The following NLGN1 variants were observed in gnomAD, a reference collection of about 807,000 sequenced individuals.
NLGN1 encodes the protein neuroligin 1, also known as neuroligin-1.
In NLGN1, 12 loss-of-function variants were observed where a neutral mutation model predicts 65.5. The observed-to-expected ratio is 0.18, with a 90% CI of 0.12 to 0.30. The LOEUF is 0.30. Among genes scored for constraint, NLGN1 ranks in the 10% least tolerant of loss-of-function variants. NLGN1 has a pLI of 1.00. For missense variants in NLGN1, 750 were observed against 1,007.1 expected, an observed-to-expected ratio of 0.74 and a Z score of 3.46; for synonymous variants, 350 against 359.5, an observed-to-expected ratio of 0.97 and a Z score of 0.30.
chr3:174,157,384 A>C (rs1725634285), intron 4 of NLGN1, among the ~76,000 whole-genome samples: 1 of 151,868 alleles, frequency 6.6e-6, no homozygotes, highest in Non-Finnish European at 1.5e-5. Context: ...TGACATCTCC[A>C]CTTGTGCTTA....
intron 3 of NLGN1, among the ~76,000 whole-genome samples, chr3:173,633,950 G>C (rs1350594685): frequency 6.6e-6 from 1 of 152,052 alleles, no homozygotes; most frequent in Non-Finnish European, 1.5e-5. Flanking sequence ...GTAAGGCATT[G>C]TTCTGTTGCC....
At chr3:173,734,379 C>CAATTTTTTT (rs1560261820) in intron 3 of NLGN1, among the ~76,000 whole-genome samples, 4 of 59,066 alleles carry the variant, frequency 6.8e-5, no homozygotes, top group African/African-American at 2.6e-4. Context: ...GTGGATAATT[C>CAATTTTTTT]TATTTTTTTT....
intron 4 of NLGN1, among the ~76,000 whole-genome samples, chr3:173,869,041 A>G (rs1013482973): frequency 3.3e-5 from 5 of 152,178 alleles, no homozygotes; most frequent in African/African-American, 1.2e-4. Flanking sequence ...GCTATTTTTC[A>G]TATTTTGAGT....
chr3:174,181,976 CAAAAAAAAAAAAAAAA>C (rs551914698), intron 4 of NLGN1, among the ~76,000 whole-genome samples: 1 of 44,396 alleles, frequency 2.3e-5, no homozygotes, highest in Admixed American at 2.9e-4. Flanking sequence ...GACTTGGTGT[CAAAAAAAAAAAAAAAA>C]AAAAAAAAAG....
intron 3 of NLGN1, among the ~76,000 whole-genome samples, chr3:173,696,208 G>A (rs546349232): frequency 6.6e-6 from 1 of 152,196 alleles, no homozygotes; most frequent in East Asian, 1.9e-4. Flanking sequence ...CAAGAAAAGA[G>A]TGAACAATAT....
intron 3 of NLGN1, among the ~76,000 whole-genome samples, chr3:173,626,307 T>C (rs935958719): frequency 1.3e-5 from 2 of 152,092 alleles, no homozygotes; most frequent in Admixed American, 1.3e-4. Flanking sequence ...AAAATCATCT[T>C]GGATTTTCAA....
intron 4 of NLGN1, among the ~76,000 whole-genome samples, chr3:174,210,730 A>T (rs961102931): frequency 2.6e-5 from 4 of 152,166 alleles, no homozygotes; most frequent in Admixed American, 2.0e-4. Flanking sequence ...AGTAGCAGTT[A>T]AAAAAATACA....
At chr3:174,027,212 C>T (rs531447845) in intron 4 of NLGN1, among the ~76,000 whole-genome samples, 1 of 152,224 alleles carries the variant, frequency 6.6e-6, no homozygotes, top group South Asian at 2.1e-4. Context: ...TGTTCTTTAT[C>T]CAGCTGTCTA....
chr3:174,219,326 A>C (rs1461207247), intron 4 of NLGN1, among the ~76,000 whole-genome samples: 1 of 152,096 alleles, frequency 6.6e-6, no homozygotes, highest in African/African-American at 2.4e-5. Flanking sequence ...GGAAAGTTAC[A>C]TAACTTTCCA....
intron 4 of NLGN1, among the ~76,000 whole-genome samples, chr3:174,239,208 A>G (rs1399849792): frequency 3.3e-5 from 5 of 152,024 alleles, no homozygotes; most frequent in African/African-American, 1.2e-4. Flanking sequence ...AGCTGGGATT[A>G]CAAGCATGCG....
chr3:173,855,634 A>G (rs1383552123), intron 4 of NLGN1, among the ~76,000 whole-genome samples: 1 of 152,106 alleles, frequency 6.6e-6, no homozygotes, highest in East Asian at 1.9e-4. Flanking sequence ...ATAAAGAATG[A>G]CCACAACGGT....
intron 3 of NLGN1, among the ~76,000 whole-genome samples, chr3:173,691,665 T>C (rs1206063708): frequency 6.6e-6 from 1 of 151,902 alleles, no homozygotes; most frequent in Non-Finnish European, 1.5e-5. Context: ...GTTGAGATCA[T>C]ATATGAAGTC....
At position 173,644,478 on chromosome 3, in the gene NLGN1, A is replaced by G. The variant is rs558818977; in HGVS notation, c.493+39387A>G. On this transcript the variant is annotated intron_variant, in intron 3 of 6. Transcript: ENST00000457714. Reference sequence around the variant, plus strand: ...CATCTACACGCTTTGGCTCTGGCCTACTTGTGAGAGTTCGCCCCTTGCTGC... The same window carrying G: ...CATCTACACGCTTTGGCTCTGGCCTGCTTGTGAGAGTTCGCCCCTTGCTGC... 194 of 161,244 alleles carry G rather than the reference A, an allele frequency of 1.2e-3. 8 individuals are homozygous for G. In the South Asian group the frequency reaches 0.036, roughly 30 times the overall value. 10.0% of individuals were successfully genotyped at this position (161,244 alleles called of 1,614,324 possible). A position where few individuals can be genotyped will look rare whatever the true frequency, so the allele number is the denominator to read the frequency against.
At chr3:173,458,507 TAAAAAC>T (rs749902682) in intron 2 of NLGN1, among the ~76,000 whole-genome samples, 4 of 152,004 alleles carry the variant, frequency 2.6e-5, no homozygotes, top group Non-Finnish European at 5.9e-5. Flanking sequence ...TTTTCTCTCT[TAAAAAC>T]CAAACCAAAC....
intron 4 of NLGN1, among the ~76,000 whole-genome samples, chr3:173,927,544 C>T (rs572233895): frequency 6.6e-5 from 10 of 152,234 alleles, no homozygotes; most frequent in Admixed American, 6.5e-4. Context: ...TACACTTCTT[C>T]CCATTCACTG....
chr3:173,920,153 C>G (rs558957287), intron 4 of NLGN1, among the ~76,000 whole-genome samples: 1 of 151,814 alleles, frequency 6.6e-6, no homozygotes, highest in South Asian at 2.1e-4. Flanking sequence ...TCTGAGGCCA[C>G]TTATTTGAGA....
chr3:173,979,509 TG>T (rs1362571502), intron 4 of NLGN1, among the ~76,000 whole-genome samples: 1 of 151,756 alleles, frequency 6.6e-6, no homozygotes, highest in Non-Finnish European at 1.5e-5. Context: ...AGAGAAAAGG[TG>T]TGAGGATAAG....
intron 4 of NLGN1, among the ~76,000 whole-genome samples, chr3:173,875,759 T>C (rs960214953): frequency 2.0e-5 from 3 of 152,196 alleles, no homozygotes; most frequent in African/African-American, 7.2e-5. Flanking sequence ...ACCCTAGATA[T>C]AAGGAAGCTT....
chr3:173,837,555 G>A (rs1723883334), intron 4 of NLGN1, among the ~76,000 whole-genome samples: 1 of 152,044 alleles, frequency 6.6e-6, no homozygotes, highest in Non-Finnish European at 1.5e-5. Flanking sequence ...AAAAGAAATG[G>A]CTGTCACCTA....
Sources: allele counts gnomAD v4.1 joint callset (sites outside exome capture counted in the v4.1 genomes callset), GRCh38; gene constraint gnomAD v4.1.1; transcripts MANE v1.5; gene names NCBI Gene and HGNC (gene_info 2026-07-23, HGNC 2026-07-21).